Variants in RBM47 observed in about 807,000 individuals in gnomAD.
RBM47 encodes the protein RNA binding motif protein 47.
A neutral mutation model predicts 47.1 loss-of-function variants in RBM47; 21 were observed. The observed-to-expected ratio is 0.45, with a 90% CI of 0.32 to 0.64. The LOEUF is 0.64. Ranked by LOEUF, RBM47 falls within the 30% of genes least tolerant of loss-of-function variation. The pLI is 0.05. For synonymous variants in RBM47, 375 were observed against 361.7 expected, an observed-to-expected ratio of 1.04 and a Z score of -0.42; for missense variants, 708 against 870.9, an observed-to-expected ratio of 0.81 and a Z score of 2.35.
At chr4:40,586,436 G>T (rs1733592129) in intron 1 of RBM47, among the ~76,000 whole-genome samples, 1 of 151,768 alleles carries the variant, frequency 6.6e-6, no homozygotes. Context: ...CAGACTTTTT[G>T]AAAGCAGGCA....
chr4:40,425,827 C>A lies in RBM47; in HGVS notation c.*77G>T. 3 of 1,539,564 alleles carry A rather than the reference C, an allele frequency of 1.9e-6. No homozygotes were observed. The highest frequency in any genetic ancestry group is 8.8e-7 in the Non-Finnish European group (1 of 1,132,732). On this transcript the variant is annotated 3_prime_UTR_variant, in exon 7 of 7. Transcript: ENST00000295971. ...TTTCAGGTTGCATGTGTGAATCCAA[C>A]ATGTTCCTTCTTCATAAATAGTCAA...
intron 2 of RBM47, among the ~76,000 whole-genome samples, chr4:40,527,335 G>A (rs889037936): frequency 5.3e-5 from 8 of 151,218 alleles, no homozygotes; most frequent in African/African-American, 1.9e-4. Flanking sequence ...TGCTCAGGCT[G>A]GAGTGCAGTG....
chr4:40,428,414 G>A (rs1715387456), intron 6 of RBM47, among the ~76,000 whole-genome samples: 1 of 152,170 alleles, frequency 6.6e-6, no homozygotes, highest in Non-Finnish European at 1.5e-5. Flanking sequence ...TGCACTTTTA[G>A]CCTTACGTTA....
chr4:40,459,809 C>T (rs1230331336), intron 3 of RBM47, among the ~76,000 whole-genome samples: 3 of 152,076 alleles, frequency 2.0e-5, no homozygotes, highest in Admixed American at 1.3e-4. Flanking sequence ...AGTGTAATGG[C>T]GCTATCTTGG....
intron 2 of RBM47, among the ~76,000 whole-genome samples, chr4:40,499,797 G>C (rs1372059931): frequency 6.6e-6 from 1 of 152,016 alleles, no homozygotes. Context: ...AGAACCATTG[G>C]GTTAATCATA....
At chr4:40,522,224 G>A (rs1726262657) in intron 2 of RBM47, among the ~76,000 whole-genome samples, 1 of 152,150 alleles carries the variant, frequency 6.6e-6, no homozygotes, top group African/African-American at 2.4e-5. Context: ...CTACCTCTTG[G>A]CTGGGTGCAG....
intron 1 of RBM47, among the ~76,000 whole-genome samples, chr4:40,606,903 A>C (rs531963080): frequency 6.6e-6 from 1 of 152,250 alleles, no homozygotes; most frequent in Non-Finnish European, 1.5e-5. Context: ...GGATCACTTG[A>C]GACCAGGAGA....
intron 2 of RBM47, among the ~76,000 whole-genome samples, chr4:40,480,653 T>G (rs976562577): frequency 9.2e-5 from 14 of 152,194 alleles, no homozygotes; most frequent in Admixed American, 8.5e-4. Context: ...GAATTCTCTT[T>G]GCATTTTCTC....
intron 1 of RBM47, among the ~76,000 whole-genome samples, chr4:40,610,426 C>T (rs1172835474): frequency 2.6e-5 from 4 of 151,182 alleles, no homozygotes; most frequent in African/African-American, 7.3e-5. Flanking sequence ...ATGGAGACCA[C>T]GGTGAAACTC....
chr4:40,426,709 G>C (rs1256480843), intron 6 of RBM47: 1 of 151,516 alleles, frequency 6.6e-6, no homozygotes, highest in African/African-American at 2.4e-5. Flanking sequence ...CAAATGTTAT[G>C]TAAATAGTTG....
intron 3 of RBM47, among the ~76,000 whole-genome samples, chr4:40,439,827 C>T (rs1713346988): frequency 6.6e-6 from 1 of 152,178 alleles, no homozygotes; most frequent in African/African-American, 2.4e-5. Flanking sequence ...AGACTTGATT[C>T]CAAGTTTTCT....
chr4:40,564,956 G>C (rs1730962313), intron 1 of RBM47, among the ~76,000 whole-genome samples: 1 of 152,224 alleles, frequency 6.6e-6, no homozygotes, highest in Non-Finnish European at 1.5e-5. Context: ...GAGGCTGAAG[G>C]CCTAGAAGGA....
Position 40,431,459 on chromosome 4 carries a change from C to T in RBM47, c.1542+1192G>A, listed in dbSNP as rs545463812. Among the ~76,000 whole-genome samples, 11 of 152,190 alleles carry T rather than the reference C, an allele frequency of 7.2e-5. No homozygotes were observed. In the East Asian group the frequency reaches 7.8e-4, roughly 11 times the overall value. On this transcript the variant is annotated intron_variant, in intron 6 of 6. Transcript: ENST00000295971. ...GGATCACGAGGTCAGGAGATTGAGA[C>T]TATCCTGGCTGACACGGTGAAACCC...
intron 2 of RBM47, among the ~76,000 whole-genome samples, chr4:40,509,200 A>T (rs953849770): frequency 5.7e-5 from 8 of 139,994 alleles, no homozygotes; most frequent in Non-Finnish European, 1.1e-4. Flanking sequence ...ATAATAATAT[A>T]TTTTTTTCAA....
intron 2 of RBM47, among the ~76,000 whole-genome samples, chr4:40,509,192 A>AAATAATT: frequency 8.2e-6 from 1 of 122,506 alleles, no homozygotes. Flanking sequence ...AATAAATAAT[A>AAATAATT]ATAATATATT....
At chr4:40,575,769 C>T (rs994141367) in intron 1 of RBM47, among the ~76,000 whole-genome samples, 7 of 152,154 alleles carry the variant, frequency 4.6e-5, no homozygotes, top group Non-Finnish European at 1.0e-4. Flanking sequence ...CCATTCTGTC[C>T]GCCAAGAGTA....
rs1287688046 is a variant in RBM47 at position 40,522,635 on chromosome 4, T to C, written c.-155+21787A>G. ...TCCCTTTTCCAATTGCATATCTTTG[T>C]GAGGTTGAATTTTCTTTCCCTATAG... On this transcript the variant is annotated intron_variant, in intron 2 of 6. Transcript: ENST00000295971. 1.1e-4 allele frequency among the ~76,000 whole-genome samples: 17 copies of C among 152,198 alleles called. 1 individual carries two copies. The highest frequency in any genetic ancestry group is 1.5e-5 in the Non-Finnish European group (1 of 68,040).
intron 2 of RBM47, among the ~76,000 whole-genome samples, chr4:40,523,281 A>C (rs564233154): frequency 7.9e-5 from 12 of 152,036 alleles, no homozygotes; most frequent in African/African-American, 2.4e-4. Flanking sequence ...ATTTTTAAGA[A>C]TATAAAAACA....
chr4:40,624,565 C>G (rs1396737774), intron 1 of RBM47, among the ~76,000 whole-genome samples: 1 of 152,190 alleles, frequency 6.6e-6, no homozygotes, highest in Non-Finnish European at 1.5e-5. Flanking sequence ...AGATCATCCT[C>G]ATGGAGAAAT....
Sources: gnomAD v4.1 joint callset for allele counts (sites outside exome capture counted in the v4.1 genomes callset) on GRCh38, gnomAD v4.1.1 for gene constraint, MANE v1.5 for transcripts, NCBI Gene and HGNC (gene_info 2026-07-23, HGNC 2026-07-21) for gene names.